Variants in LRRC74A observed in about 807,000 individuals in gnomAD.
The protein encoded by LRRC74A is leucine rich repeat containing 74A.
Under a neutral mutation model 57.9 loss-of-function variants are expected in LRRC74A, and 44 were observed. The observed-to-expected ratio is 0.76, with a 90% CI of 0.60 to 0.98. LRRC74A has a LOEUF of 0.98. LRRC74A is among the 50% of genes least tolerant of loss of function. The pLI is 0.00. For synonymous variants in LRRC74A, 211 were observed against 219.4 expected (o/e 0.96, Z 0.34); for missense variants, 572 against 574.0 (o/e 1.00, Z 0.04).
intron 2 of LRRC74A, 196 bp downstream of exon 2, chr14:76,828,615 TC>T: frequency 1.3e-6 from 1 of 757,600 alleles, no homozygotes; most frequent in Non-Finnish European, 2.3e-6. Context: ...AGCTGCAGCT[TC>T]CCACGCTTGT....
chr14:76,827,340 AACCCC>A (rs2140249216), intron 1 of LRRC74A, among the ~76,000 whole-genome samples: 1 of 152,280 alleles, frequency 6.6e-6, no homozygotes, highest in South Asian at 2.1e-4. Context: ...ACTCATTAGG[AACCCC>A]ACCATCCTAG....
chr14:76,846,678 G>GGAAAGA lies in LRRC74A; in HGVS notation c.676+1780_676+1785dup, dbSNP rs561565292. On this transcript the variant is annotated intron_variant, in intron 7 of 13. Coordinates refer to ENST00000689127, the MANE Select transcript of LRRC74A (RefSeq NM_001385106.1). The stretch of plus-strand genomic sequence containing the variant: ...AGGACTTGCTGATGTGAAGAATGGG[G>GGAAAGA]GAAAGAGAGAGATAGACTCATGGTC... 4.2e-3 allele frequency among the ~76,000 whole-genome samples: 635 copies of GGAAAGA among 152,252 alleles called. 5 individuals carry two copies. The highest frequency in any genetic ancestry group is 0.025 in the South Asian group (122 of 4,826).
chr14:76,856,569 C>G (rs1897893092), intron 9 of LRRC74A, among the ~76,000 whole-genome samples: 1 of 93,692 alleles, frequency 1.1e-5, no homozygotes, highest in Non-Finnish European at 2.3e-5. Context: ...GTGAGATGAA[C>G]AGATTGCTGG....
In LRRC74A at chr14:76,870,295, G is replaced by C; in HGVS notation, c.*146G>C. On this transcript the variant is annotated 3_prime_UTR_variant, in exon 14 of 14. Coordinates refer to ENST00000689127, the MANE Select transcript of LRRC74A (RefSeq NM_001385106.1). ...GCACAAGCAAATAAAGTCTGGCTTG[G>C]TTCTGGGTGTCTTGGGCTGCTGGTG... 1 of 898,124 alleles carries C rather than the reference G, an allele frequency of 1.1e-6. No individual in the cohort carries two copies. Among genetic ancestry groups the C allele is most frequent in the Non-Finnish European group, 1.7e-6 (1 of 576,654 alleles). 55.6% of individuals were successfully genotyped at this position (898,124 alleles called of 1,614,324 possible). A position where few individuals can be genotyped will look rare whatever the true frequency, so the allele number is the denominator to read the frequency against.
chr14:76,869,886 C>A (rs528544460), intron 13 of LRRC74A, among the ~76,000 whole-genome samples: 1 of 152,170 alleles, frequency 6.6e-6, no homozygotes, highest in Admixed American at 6.5e-5. Context: ...CTCTTGCAAA[C>A]GATCTTAGGT....
intron 3 of LRRC74A, among the ~76,000 whole-genome samples, chr14:76,834,563 G>A (rs1440802902): frequency 1.3e-5 from 2 of 152,190 alleles, no homozygotes; most frequent in Non-Finnish European, 2.9e-5. Context: ...TGTATCCCTC[G>A]ACAGCCTAGC....
chr14:76,856,278 A>G (rs1375018498), intron 9 of LRRC74A, among the ~76,000 whole-genome samples: 1 of 152,046 alleles, frequency 6.6e-6, no homozygotes, highest in East Asian at 1.9e-4. Context: ...GCTTAGCTCC[A>G]TGTTCCCCTC....
Position 76,826,567 on chromosome 14 carries a change from C to T in LRRC74A, c.-131C>T, listed in dbSNP as rs545249817. 5.4e-5 allele frequency: 87 copies of T among 1,612,696 alleles called. 1 individual carries two copies. The South Asian group carries it at 8.9e-4, about 17-fold the overall frequency. ...GGGAGGGAAGGATAACTGCAGGCTCCCCTGGGATGCCCCCAGGTGAGGGAA... is the reference window on the plus strand; with the variant it reads ...GGGAGGGAAGGATAACTGCAGGCTCTCCTGGGATGCCCCCAGGTGAGGGAA... On this transcript the variant is annotated 5_prime_UTR_variant, in exon 1 of 14. Transcript: ENST00000689127.
intron 9 of LRRC74A, among the ~76,000 whole-genome samples, chr14:76,857,110 G>A (rs61989414): frequency 2.9e-5 from 2 of 68,390 alleles, no homozygotes; most frequent in Admixed American, 3.5e-4. Flanking sequence ...CAGATGGTGG[G>A]TAGGTGGATA....
intron 7 of LRRC74A, among the ~76,000 whole-genome samples, chr14:76,850,748 A>G (rs569662100): frequency 4.0e-5 from 6 of 151,442 alleles, no homozygotes; most frequent in Admixed American, 2.6e-4. Flanking sequence ...GGCGCCTATA[A>G]TCCCAGCTGC....
chr14:76,857,256 A>C, intron 9 of LRRC74A, 124 bp from the exon 10 acceptor site: 1 of 619,338 alleles, frequency 1.6e-6, no homozygotes, highest in Non-Finnish European at 2.9e-6. Context: ...ACAAGGAGAT[A>C]ATTACTTACA....
intron 7 of LRRC74A, among the ~76,000 whole-genome samples, chr14:76,850,695 T>A (rs1023898422): frequency 6.6e-6 from 1 of 151,884 alleles, no homozygotes; most frequent in Non-Finnish European, 1.5e-5. Flanking sequence ...GATGAAACCC[T>A]GTCTCTACTA....
rs562849581 is a variant in LRRC74A, at chr14:76,860,761, C to A, written c.1122C>A (p.Asp374Glu). 4 of 1,611,356 alleles carry A rather than the reference C, an allele frequency of 2.5e-6. No individual in the cohort carries two copies. In the East Asian group the frequency reaches 6.7e-5, roughly 27 times the overall value. ...TGTATGCCGTTCACCCGCAGCTGGA[C>A]GTGGTATTCAAGGCAGTACAAGGCC... The part of the protein sequence containing the change: ...DGVYAVHPQL[D>E]VVFKAVQGLS... Residue 374 changes from aspartate to glutamate, a missense_variant, in exon 11 of 14, where the codon GAC (aspartate) becomes GAA (glutamate). Transcript: ENST00000689127.
intron 8 of LRRC74A, among the ~76,000 whole-genome samples, chr14:76,852,695 T>C (rs866046209): frequency 2.7e-5 from 4 of 148,910 alleles, no homozygotes; most frequent in African/African-American, 7.4e-5. Flanking sequence ...CTCGGCTCAC[T>C]GCAGCCACCA....
At chr14:76,842,640 T>C (rs1896851351) in intron 5 of LRRC74A, among the ~76,000 whole-genome samples, 1 of 150,608 alleles carries the variant, frequency 6.6e-6, no homozygotes, top group Non-Finnish European at 1.5e-5. Context: ...GCCAAACAAG[T>C]ATTTGTGTTC....
chr14:76,870,088 C>A (rs745354413), intron 13 of LRRC74A, 37 bp from the exon 14 acceptor site: 2 of 1,601,618 alleles, frequency 1.2e-6, no homozygotes, highest in Admixed American at 3.4e-5. Context: ...TGAGGCTGTA[C>A]GGGTGCTCAG....
intron 6 of LRRC74A, 85 bp from the exon 7 acceptor site, chr14:76,844,735 C>A: frequency 1.3e-6 from 1 of 788,870 alleles, no homozygotes; most frequent in Non-Finnish European, 2.1e-6. Context: ...CATCAGAGCC[C>A]CACCATCATA....
chr14:76,836,091 G>A (rs150861017), intron 3 of LRRC74A, 116 bp from the exon 4 acceptor site: 8,803 of 741,054 alleles, frequency 0.012, 80 homozygotes, highest in Non-Finnish European at 0.015. Context: ...CAGGCCTTCA[G>A]AATTCCTAGC....
At chr14:76,848,477 G>A (rs1451736144) in intron 7 of LRRC74A, among the ~76,000 whole-genome samples, 2 of 151,762 alleles carry the variant, frequency 1.3e-5, no homozygotes. Flanking sequence ...GCTAAGGCAG[G>A]AGAACTGCTT....
Sources: gnomAD v4.1 joint callset for allele counts (sites outside exome capture counted in the v4.1 genomes callset) on GRCh38, gnomAD v4.1.1 for gene constraint, MANE v1.5 for transcripts, NCBI Gene and HGNC (gene_info 2026-07-23, HGNC 2026-07-21) for gene names.